P2RX5: variants seen among roughly 807,000 people sequenced by gnomAD.
P2RX5 encodes purinergic receptor P2X 5.
P2RX5 carries 46 observed loss-of-function variants against 54.1 expected under a neutral mutation model. That is an observed-to-expected ratio of 0.85 (90% CI 0.67 to 1.09). The LOEUF (loss-of-function observed/expected upper bound fraction) is 1.09. Among genes scored for constraint, P2RX5 ranks in the 50% least tolerant of loss-of-function variants. The probability of loss-of-function intolerance (pLI) is 0.00; values close to 1 mark genes in which losing one functional copy is unlikely to be tolerated. For missense variants in P2RX5, 566 were observed against 549.8 expected, an observed-to-expected ratio of 1.03 and a Z score of -0.29; for synonymous variants, 226 against 226.4, an observed-to-expected ratio of 1.00 and a Z score of 0.02.
At chr17:3,679,086 G>A (rs1259396801) in intron 11 of P2RX5, among the ~76,000 whole-genome samples, 2 of 152,200 alleles carry the variant, frequency 1.3e-5, no homozygotes, top group Admixed American at 6.5e-5. Flanking sequence ...GCACAGAGAC[G>A]TTCGGCAAAG....
chr17:3,704,437 C>A, the P2RX5 span, among the ~76,000 whole-genome samples: 3 of 151,964 alleles, frequency 2.0e-5, no homozygotes, highest in African/African-American at 4.8e-5. Context: ...TGCTGAGGTC[C>A]TTCCATGACG....
the P2RX5 span, among the ~76,000 whole-genome samples, chr17:3,713,950 G>GAC: frequency 1.1e-5 from 1 of 93,000 alleles, no homozygotes; most frequent in Admixed American, 9.0e-5. Flanking sequence ...TTTTTTTTGA[G>GAC]ACAGTCTTGC....
chr17:3,720,359 G>C, the P2RX5 span: 2 of 1,587,766 alleles, frequency 1.3e-6, no homozygotes, highest in Non-Finnish European at 1.7e-6. Context: ...TTTGTTGAAA[G>C]ATATTTCACC....
upstream of P2RX5, among the ~76,000 whole-genome samples, chr17:3,699,379 G>T (rs1445881322): frequency 1.3e-5 from 2 of 152,138 alleles, no homozygotes; most frequent in Non-Finnish European, 2.9e-5. Context: ...CTGTATGATA[G>T]AGACCCTGCT....
intron 11 of P2RX5, chr17:3,677,880 G>T: frequency 2.0e-6 from 2 of 985,352 alleles, no homozygotes; most frequent in Non-Finnish European, 2.4e-6. Context: ...TTCTAGGTCC[G>T]AGCCCCTCTG....
At chr17:3,717,844 A>T in the P2RX5 span, 1 of 150,718 alleles carries the variant, frequency 6.6e-6, no homozygotes, top group Non-Finnish European at 1.5e-5. Flanking sequence ...ACAAAGAGGG[A>T]GGAAGAACAG....
At chr17:3,699,877 G>GAAA (rs1231861015), upstream of P2RX5, among the ~76,000 whole-genome samples, 2,195 of 56,054 alleles carry the variant, frequency 0.039, 114 homozygotes, top group East Asian at 0.078. Context: ...AAGAAAGAAA[G>GAAA]GAAGGAAGGA....
At chr17:3,682,109 A>C in intron 9 of P2RX5, 131 bp from the exon 10 acceptor site, 1 of 711,432 alleles carries the variant, frequency 1.4e-6, no homozygotes, top group Non-Finnish European at 2.6e-6. Context: ...CAGATGAGGA[A>C]ACTGGGCTCA....
intron 11 of P2RX5, among the ~76,000 whole-genome samples, chr17:3,679,172 T>C (rs532317482): frequency 6.6e-6 from 1 of 152,296 alleles, no homozygotes; most frequent in Admixed American, 6.5e-5. Flanking sequence ...TCACCGGCTG[T>C]GTGACTTGAG....
chr17:3,683,645 G>A lies in P2RX5; in HGVS notation c.982-1667C>T, dbSNP rs374088978. 1.5e-4 allele frequency among the ~76,000 whole-genome samples: 23 copies of A among 151,446 alleles called. No individual in the cohort carries two copies. The South Asian group carries it at 4.6e-3, about 30-fold the overall frequency. On this transcript the variant is annotated intron_variant, in intron 9 of 11. Transcript: ENST00000225328. ...CTCAGGAGGCTGAGGCAGAAGAATT[G>A]CTTGAGCCTGGGAGGCAGAGGCTGC...
intron 2 of P2RX5, 79 bp from the exon 3 acceptor site, chr17:3,691,106 A>G: frequency 9.2e-7 from 1 of 1,084,306 alleles, no homozygotes; most frequent in Non-Finnish European, 1.4e-6. Flanking sequence ...TACCTGAAAG[A>G]GGGCGGTCCC....
chr17:3,692,020 G>A (rs2050630827), intron 1 of P2RX5: 2 of 569,376 alleles, frequency 3.5e-6, no homozygotes, highest in Non-Finnish European at 6.3e-6. Flanking sequence ...AGAGATGGGG[G>A]CCCTGAAGAG....
At chr17:3,720,568 G>T in the P2RX5 span, 7 of 456,638 alleles carry the variant, frequency 1.5e-5, no homozygotes, top group South Asian at 6.2e-5. Flanking sequence ...GACATCTGCA[G>T]TTATTCTTCA....
the P2RX5 span, chr17:3,714,811 G>C: frequency 1.6e-6 from 2 of 1,229,192 alleles, no homozygotes. Context: ...CAAGTCCCAG[G>C]ACTGGCTGAT....
intron 11 of P2RX5, among the ~76,000 whole-genome samples, chr17:3,674,791 A>T (rs1333606028): frequency 6.6e-6 from 1 of 152,192 alleles, no homozygotes; most frequent in East Asian, 1.9e-4. Context: ...ATTTCAACTC[A>T]TAGGTCACTT....
chr17:3,688,077 C>T lies in P2RX5; in HGVS notation c.916G>A (p.Gly306Arg), dbSNP rs2050499591. The T allele has an allele frequency of 4.4e-6, 7 of 1,605,976 alleles. No homozygotes were observed. The highest frequency in any genetic ancestry group is 1.1e-5 in the South Asian group (1 of 89,796). Residue 306 changes from glycine to arginine, a missense_variant, in exon 9 of 12, where the codon GGG (glycine) becomes AGG (arginine). Transcript: ENST00000225328. ...TTCATCAGGGTGCGGAACTCCACCC[C>T]GGCTGCGTCTCGGTAATATCTGGCA... Reference protein sequence around the residue: ...RFARYYRDAAGVEFRTLMKAY... With the variant: ...RFARYYRDAARVEFRTLMKAY...
At chr17:3,712,998 C>G in the P2RX5 span, among the ~76,000 whole-genome samples, 1 of 150,832 alleles carries the variant, frequency 6.6e-6, no homozygotes, top group Non-Finnish European at 1.5e-5. Flanking sequence ...ACATTCAAAA[C>G]CACCAACTGT....
intron 1 of P2RX5, among the ~76,000 whole-genome samples, chr17:3,694,896 C>G (rs901103531): frequency 1.3e-5 from 2 of 152,160 alleles, no homozygotes; most frequent in East Asian, 1.9e-4. Flanking sequence ...AAGCCCAGAT[C>G]TGGGGGCTGA....
chr17:3,699,814 GAA>G (rs761734008), upstream of P2RX5, among the ~76,000 whole-genome samples: 1 of 121,866 alleles, frequency 8.2e-6, no homozygotes, highest in Non-Finnish European at 1.8e-5. Flanking sequence ...AAGAAAGAAA[GAA>G]AGAGAGAAAG....
Sources: gnomAD v4.1 joint callset for allele counts (sites outside exome capture counted in the v4.1 genomes callset) on GRCh38, gnomAD v4.1.1 for gene constraint, MANE v1.5 for transcripts, NCBI Gene and HGNC (gene_info 2026-07-23, HGNC 2026-07-21) for gene names.